Variants in NEGR1 observed in about 807,000 individuals in gnomAD.
NEGR1 encodes the protein neuronal growth regulator 1.
NEGR1 carries 10 observed loss-of-function variants against 40.9 expected under a neutral mutation model. The observed-to-expected ratio is 0.24, with a 90% CI of 0.15 to 0.42. The LOEUF (loss-of-function observed/expected upper bound fraction) is 0.42. Ranked by LOEUF, NEGR1 falls within the 10% of genes least tolerant of loss-of-function variation. The pLI, the probability that NEGR1 is intolerant of heterozygous loss-of-function variation, is 1.00. For missense variants in NEGR1, 352 were observed against 438.9 expected (o/e 0.80, Z 1.77); for synonymous variants, 185 against 166.8 (o/e 1.11, Z -0.84).
chr1:72,164,696 C>G (rs1372665411), intron 1 of NEGR1, among the ~76,000 whole-genome samples: 2 of 151,978 alleles, frequency 1.3e-5, no homozygotes, highest in African/African-American at 2.4e-5. Flanking sequence ...ATTCACAGCT[C>G]TCTGTTTTTG....
intron 3 of NEGR1, among the ~76,000 whole-genome samples, chr1:71,717,763 G>C (rs151242212): frequency 6.6e-6 from 1 of 152,040 alleles, no homozygotes; most frequent in African/African-American, 2.4e-5. Flanking sequence ...TCCTTAAAAA[G>C]GTAATTAAGT....
chr1:71,549,116 T>C (rs1032295358), intron 6 of NEGR1, among the ~76,000 whole-genome samples: 5 of 151,720 alleles, frequency 3.3e-5, no homozygotes, highest in Non-Finnish European at 7.4e-5. Context: ...CTAGCATTTA[T>C]TGAGTGCTTA....
In NEGR1 at chr1:71,402,081, T is replaced by C. The variant is rs1646250401; in HGVS notation, c.*5365A>G. The C allele has an allele frequency of 6.6e-6, 1 of 152,114 alleles. No homozygotes were observed. The highest frequency in any genetic ancestry group is 2.1e-4 in the South Asian group (1 of 4,832). The allele number at this position is 152,114 out of a possible 1,614,324, so 9.4% of individuals were successfully genotyped here. ...GAAGCTAGCAATGTGATTATATGCTTTTCTTTTTCCTAGGTAGTCTGGGAC... is the reference window on the plus strand; with the variant it reads ...GAAGCTAGCAATGTGATTATATGCTCTTCTTTTTCCTAGGTAGTCTGGGAC... On this transcript the variant is annotated 3_prime_UTR_variant, in exon 7 of 7. Transcript: ENST00000357731.
chr1:71,987,362 TAGAG>T (rs1426591067), intron 1 of NEGR1, among the ~76,000 whole-genome samples: 3 of 151,972 alleles, frequency 2.0e-5, no homozygotes, highest in Non-Finnish European at 1.5e-5. Context: ...AGGCGGGAGA[TAGAG>T]AGAAGCAACA....
chr1:71,424,037 T>C (rs1375064158), intron 6 of NEGR1, among the ~76,000 whole-genome samples: 1 of 151,818 alleles, frequency 6.6e-6, no homozygotes, highest in East Asian at 1.9e-4. Flanking sequence ...GTAAAAGCAA[T>C]TTGAGACTAA....
At position 72,058,138 on chromosome 1, in the gene NEGR1, T is replaced by C. The variant is rs80296547; in HGVS notation, c.177-122827A>G. On this transcript the variant is annotated intron_variant, in intron 1 of 6. Transcript: ENST00000357731. ...TACAGTGCCTTTGAGGCTCAGGGTC[T>C]GGGCTTTCCCTTCACATGAAACTTC... Among the ~76,000 whole-genome samples, 120 of 151,712 alleles carry C rather than the reference T, an allele frequency of 7.9e-4. 1 individual carries two copies. The highest frequency in any genetic ancestry group is 2.7e-3 in the African/African-American group (114 of 41,480).
chr1:72,032,670 C>CAT (rs1646869255), intron 1 of NEGR1, among the ~76,000 whole-genome samples: 1 of 152,096 alleles, frequency 6.6e-6, no homozygotes, highest in Non-Finnish European at 1.5e-5. Context: ...TACATTCATA[C>CAT]ATATATATAT....
Position 71,556,711 on chromosome 1 carries a change from A to C in NEGR1, c.940+36106T>G, listed in dbSNP as rs546805715. On this transcript the variant is annotated intron_variant, in intron 6 of 6. Coordinates refer to ENST00000357731, the MANE Select transcript of NEGR1 (RefSeq NM_173808.3). ...CTCACTCACACTGCCACACTCAGAGAAAATAAAACACAAAGAAAGAGAGAG... is the reference window on the plus strand; with the variant it reads ...CTCACTCACACTGCCACACTCAGAGCAAATAAAACACAAAGAAAGAGAGAG... 8.6e-5 allele frequency among the ~76,000 whole-genome samples: 13 copies of C among 151,700 alleles called. No individual in the cohort carries two copies. In the South Asian group the frequency reaches 1.5e-3, roughly 17 times the overall value.
intron 5 of NEGR1, among the ~76,000 whole-genome samples, chr1:71,603,162 A>G (rs966296133): frequency 6.6e-6 from 1 of 152,236 alleles, no homozygotes; most frequent in African/African-American, 2.4e-5. Flanking sequence ...AAACTTTTCA[A>G]ATTATCTTAC....
intron 2 of NEGR1, among the ~76,000 whole-genome samples, chr1:71,818,028 T>C (rs1280695447): frequency 6.6e-6 from 1 of 151,868 alleles, no homozygotes; most frequent in African/African-American, 2.4e-5. Context: ...TATTAAAAAG[T>C]CAAAACATTA....
intron 1 of NEGR1, among the ~76,000 whole-genome samples, chr1:71,958,205 T>C (rs946172166): frequency 6.6e-6 from 1 of 152,208 alleles, no homozygotes; most frequent in African/African-American, 2.4e-5. Context: ...TTTAATGCCT[T>C]GTAGCCTTCC....
intron 1 of NEGR1, among the ~76,000 whole-genome samples, chr1:72,197,796 G>A (rs564218477): frequency 6.6e-6 from 1 of 152,102 alleles, no homozygotes; most frequent in South Asian, 2.1e-4. Flanking sequence ...CAAAAAAATG[G>A]AGCAAGCCAC....
intron 1 of NEGR1, among the ~76,000 whole-genome samples, chr1:72,027,107 T>C (rs1476132240): frequency 6.6e-6 from 1 of 152,072 alleles, no homozygotes; most frequent in Non-Finnish European, 1.5e-5. Context: ...TTGCATTTTT[T>C]AGTAGAGACA....
At chr1:71,886,227 G>A (rs1019073909) in intron 2 of NEGR1, among the ~76,000 whole-genome samples, 1 of 152,102 alleles carries the variant, frequency 6.6e-6, no homozygotes, top group Non-Finnish European at 1.5e-5. Flanking sequence ...TGCTAAACAT[G>A]TTCTCCCCTG....
chr1:72,264,822 C>T (rs1411708914), intron 1 of NEGR1, among the ~76,000 whole-genome samples: 7 of 150,450 alleles, frequency 4.7e-5, no homozygotes, highest in Non-Finnish European at 1.0e-4. Context: ...TTTATTTCTT[C>T]GTAGAAAACT....
chr1:71,972,585 G>T (rs1646265681), intron 1 of NEGR1, among the ~76,000 whole-genome samples: 1 of 151,920 alleles, frequency 6.6e-6, no homozygotes. Flanking sequence ...GTGTGAAAAA[G>T]GTCACTCTTC....
chr1:71,424,823 C>T (rs1646419193), intron 6 of NEGR1, among the ~76,000 whole-genome samples: 3 of 152,264 alleles, frequency 2.0e-5, no homozygotes, highest in Middle Eastern at 6.8e-3. Flanking sequence ...CCTGAAAACA[C>T]AAATGAGCTC....
intron 4 of NEGR1, among the ~76,000 whole-genome samples, chr1:71,660,399 G>A (rs1169137217): frequency 6.6e-6 from 1 of 151,924 alleles, no homozygotes; most frequent in African/African-American, 2.4e-5. Context: ...CCTGGGTGAT[G>A]AAATCATATG....
chr1:71,678,259 T>A (rs114522598), intron 4 of NEGR1, among the ~76,000 whole-genome samples: 2,761 of 152,258 alleles, frequency 0.018, 62 homozygotes, highest in African/African-American at 0.053. Flanking sequence ...TTGAACCAGA[T>A]AATTTTCATA....
Sources: gnomAD v4.1 joint callset for allele counts (sites outside exome capture counted in the v4.1 genomes callset) on GRCh38, gnomAD v4.1.1 for gene constraint, MANE v1.5 for transcripts, NCBI Gene and HGNC (gene_info 2026-07-23, HGNC 2026-07-21) for gene names.